ZNF195: variants seen among roughly 807,000 people sequenced by gnomAD.
ZNF195 encodes the protein hypoxia-regulated factor-1.
Under a neutral mutation model 19.5 loss-of-function variants are expected in ZNF195, and 11 were observed. The ratio of observed to expected loss-of-function variants is 0.57; its 90% confidence interval spans 0.36 to 0.94. The LOEUF is 0.94. ZNF195 is among the 40% of genes least tolerant of loss of function. The pLI is 0.01. For synonymous variants in ZNF195, 214 were observed against 248.1 expected (o/e 0.86, Z 1.29); for missense variants, 582 against 709.0 (o/e 0.82, Z 2.03).
intron 3 of ZNF195, chr11:3,363,432 T>C (rs776367337): frequency 2.0e-5 from 3 of 152,096 alleles, no homozygotes; most frequent in Non-Finnish European, 4.4e-5. Context: ...TTTCAAAAAA[T>C]TGAAGTCTTC....
chr11:3,360,719 C>T lies in ZNF195; in HGVS notation c.442+1G>A, dbSNP rs1395277626. The T allele has an allele frequency of 6.4e-7, 1 of 1,551,192 alleles. No homozygotes were observed. Among genetic ancestry groups the T allele is most frequent in the Non-Finnish European group, 8.7e-7 (1 of 1,146,906 alleles). ...GTATAAACATATAAATGTAACAATA[C>T]CTAGTGAGAAGATGCATCTGAACTC... On this transcript the variant is annotated splice_donor_variant, in intron 5 of 5. Coordinates refer to ENST00000399602, the MANE Select transcript of ZNF195 (RefSeq NM_001130520.3). LOFTEE classifies it high-confidence loss of function.
At chr11:3,368,477 G>A (rs891459303) in intron 3 of ZNF195, among the ~76,000 whole-genome samples, 1 of 152,202 alleles carries the variant, frequency 6.6e-6, no homozygotes, top group Non-Finnish European at 1.5e-5. Flanking sequence ...GTAATCCAGG[G>A]AGGGGGTTGT....
intron 4 of ZNF195, 113 bp from the exon 5 acceptor site, chr11:3,360,901 C>T: frequency 1.1e-6 from 1 of 898,882 alleles, no homozygotes; most frequent in Non-Finnish European, 1.6e-6. Context: ...CTTGGCTTCT[C>T]CTTCAAAAGA....
intron 3 of ZNF195, among the ~76,000 whole-genome samples, chr11:3,370,275 T>A (rs1849137430): frequency 6.6e-6 from 1 of 152,176 alleles, no homozygotes; most frequent in South Asian, 2.1e-4. Context: ...AGAGTCCTGA[T>A]AAGCCTCATA....
chr11:3,373,546 G>T (rs988694963), intron 1 of ZNF195: 37 of 1,505,358 alleles, frequency 2.5e-5, no homozygotes, highest in Non-Finnish European at 2.9e-5. Context: ...GAGCAAAAGT[G>T]GACACAACCC....
At position 3,377,821 on chromosome 11, in the gene ZNF195, G is replaced by C. The variant is rs983600128; in HGVS notation, c.3+1217C>G. The C allele has an allele frequency of 1.3e-5, 13 of 989,402 alleles. No individual in the cohort carries two copies. The Admixed American group carries it at 4.8e-4, about 37-fold the overall frequency. The allele number at this position is 989,402 out of a possible 1,614,324, so 61.3% of individuals were successfully genotyped here. A position where few individuals can be genotyped will look rare whatever the true frequency, so the allele number is the denominator to read the frequency against. On this transcript the variant is annotated intron_variant, in intron 1 of 5. Transcript: ENST00000399602. ...ACTGAAACTGAGGAAAAAGTCCAGA[G>C]GGTGGCTGAGAGCAAATCACCCTGT... is the stretch of plus-strand genomic sequence containing the variant.
chr11:3,366,028 CG>C (rs1848863873), intron 3 of ZNF195, among the ~76,000 whole-genome samples: 1 of 151,686 alleles, frequency 6.6e-6, no homozygotes, highest in East Asian at 1.9e-4. Flanking sequence ...GAGGCCGAGG[CG>C]GGTGGATCAC....
chr11:3,378,704 T>C (rs917021702), intron 1 of ZNF195, among the ~76,000 whole-genome samples: 1 of 152,204 alleles, frequency 6.6e-6, no homozygotes, highest in Non-Finnish European at 1.5e-5. Context: ...AAGGACTCCC[T>C]CGAGAGAAAG....
chr11:3,371,483 C>A, intron 2 of ZNF195, 94 bp downstream of exon 2: 1 of 1,518,662 alleles, frequency 6.6e-7, no homozygotes, highest in South Asian at 1.2e-5. Flanking sequence ...GAAACTCATT[C>A]ATGCAACGCA....
At chr11:3,378,895 CCCGG>C (rs1368684815) in intron 1 of ZNF195, 139 bp downstream of exon 1, 2 of 1,075,014 alleles carry the variant, frequency 1.9e-6, no homozygotes, top group Non-Finnish European at 2.4e-6. Context: ...GCGCGCGGGG[CCCGG>C]CCGCCATGGT....
chr11:3,360,052 C>A lies in ZNF195; in HGVS notation c.956G>T (p.Arg319Ile). ...IKTCSVLTKN[R>I]IYAGGEHYRC... ...GTAATGTTCCCCTCCGGCATAAATT[C>A]TATTTTTAGTAAGGACTGAGCAAGT... is the stretch of plus-strand genomic sequence containing the variant. Residue 319 changes from arginine to isoleucine, a missense_variant, in exon 6 of 6, where the codon AGA becomes ATA. Arg to Ile is a moderately conservative substitution (Grantham distance 97). Coordinates refer to ENST00000399602, the MANE Select transcript of ZNF195 (RefSeq NM_001130520.3). 2 of 1,614,084 alleles carry A rather than the reference C, an allele frequency of 1.2e-6. No homozygotes were observed. The highest frequency in any genetic ancestry group is 1.7e-6 in the Non-Finnish European group (2 of 1,180,036).
chr11:3,366,053 C>G (rs554374311), intron 3 of ZNF195, among the ~76,000 whole-genome samples: 1 of 151,430 alleles, frequency 6.6e-6, no homozygotes, highest in South Asian at 2.1e-4. Flanking sequence ...GTCAGGAGAT[C>G]GAGACCATCC....
At chr11:3,369,144 A>G (rs1849051155) in intron 3 of ZNF195, 1 of 279,134 alleles carries the variant, frequency 3.6e-6, no homozygotes, top group Non-Finnish European at 7.2e-6. Flanking sequence ...AATATCAAAA[A>G]TAAGTAACAT....
chr11:3,367,832 G>A (rs1343865728), intron 3 of ZNF195, among the ~76,000 whole-genome samples: 1 of 152,022 alleles, frequency 6.6e-6, no homozygotes, highest in Non-Finnish European at 1.5e-5. Flanking sequence ...GACACTTTGG[G>A]AGGCCAAGGC....
rs935483313 is a variant in ZNF195, at chr11:3,371,260, T to C, written c.131-190A>G. ...GTGGGTTCTTAGTTTCACCACTCAG[T>C]ACTGCTGACATAAAAAATTGGTGGT... On this transcript the variant is annotated intron_variant, in intron 2 of 5. Coordinates refer to ENST00000399602, the MANE Select transcript of ZNF195 (RefSeq NM_001130520.3). 3 of 664,674 alleles carry C rather than the reference T, an allele frequency of 4.5e-6. No individual in the cohort carries two copies. The African/African-American group carries it at 5.5e-5, about 12-fold the overall frequency. The allele number at this position is 664,674 out of a possible 1,614,324, so 41.2% of individuals were successfully genotyped here. A position where few individuals can be genotyped will look rare whatever the true frequency, so the allele number is the denominator to read the frequency against.
Position 3,360,495 on chromosome 11 carries a change from T to C in ZNF195, c.513A>G (p.Ile171Met). Residue 171 changes from isoleucine (I) to methionine (M), a missense_variant, in exon 6 of 6, where the codon ATA becomes ATG. This residue lies in a region of ZNF195 where 129 missense variants were observed against 112.1 expected (regional missense o/e 1.15). Transcript: ENST00000399602. ...QGIQDAFPKR[I>M]LRGYGNCGLD... ...GGCCACAATTTCCATATCCTCTCAG[T>C]ATTCTTTTTGGGAATGCATCTTGTA... 1 of 1,609,330 alleles carries C rather than the reference T, an allele frequency of 6.2e-7. No homozygotes were observed. Among genetic ancestry groups the C allele is most frequent in the Non-Finnish European group, 8.5e-7 (1 of 1,179,496 alleles).
chr11:3,373,640 C>G, intron 1 of ZNF195: 2 of 1,548,856 alleles, frequency 1.3e-6, no homozygotes, highest in Non-Finnish European at 1.7e-6. Flanking sequence ...AGGAAAGATT[C>G]TCTGGACAAA....
At position 3,379,116 on chromosome 11, in the gene ZNF195, C is replaced by T; in HGVS notation, c.-76G>A. The T allele has an allele frequency of 7.0e-7, 1 of 1,420,458 alleles. No individual in the cohort carries two copies. The highest frequency in any genetic ancestry group is 9.3e-7 in the Non-Finnish European group (1 of 1,077,338). The allele number at this position is 1,420,458 out of a possible 1,614,324, so 88.0% of individuals were successfully genotyped here. A position where few individuals can be genotyped will look rare whatever the true frequency, so the allele number is the denominator to read the frequency against. On this transcript the variant is annotated 5_prime_UTR_variant, in exon 1 of 6. Coordinates refer to ENST00000399602, the MANE Select transcript of ZNF195 (RefSeq NM_001130520.3). ...TGCGGGTCACACGACCTACGGCTAG[C>T]AGGGGACACAGAGCCGCGGGGACAG...
At position 3,365,720 on chromosome 11, in the gene ZNF195, G is replaced by A. The variant is rs553544460; in HGVS notation, c.227-3831C>T. ...TTTCTGATTTTAAAACATATAAAGA[G>A]CTACGAAAATAAAAACAATGTGGTA... On this transcript the variant is annotated intron_variant, in intron 3 of 5. Transcript: ENST00000399602. Among the ~76,000 whole-genome samples, 506 of 152,210 alleles carry A rather than the reference G, an allele frequency of 3.3e-3. 5 individuals carry two copies. Among genetic ancestry groups the A allele is most frequent in the South Asian group, 6.6e-3 (32 of 4,826 alleles).
Sources: gnomAD v4.1 joint callset for allele counts (sites outside exome capture counted in the v4.1 genomes callset) on GRCh38, gnomAD v4.1.1 for gene constraint, gnomAD v4.1.1 regional missense constraint, MANE v1.5 for transcripts, NCBI Gene and HGNC (gene_info 2026-07-23, HGNC 2026-07-21) for gene names.